BMP1: variants seen among roughly 807,000 people sequenced by gnomAD.
BMP1 encodes the protein bone morphogenetic protein 1, also known as mammalian tolloid protein.
In BMP1, 63 loss-of-function variants were observed where a neutral mutation model predicts 116.8. The ratio of observed to expected loss-of-function variants is 0.54; its 90% CI spans 0.44 to 0.67. BMP1 has a LOEUF of 0.67. Among genes scored for constraint, BMP1 ranks in the 30% least tolerant of loss-of-function variants. The pLI, the probability that BMP1 is intolerant of heterozygous loss-of-function variation, is 0.00. For synonymous variants in BMP1, 536 were observed against 533.4 expected (o/e 1.00, Z -0.07); for missense variants, 1,183 against 1,358.9 (o/e 0.87, Z 2.04).
intron 2 of BMP1, among the ~76,000 whole-genome samples, chr8:22,175,058 G>T (rs1828393356): frequency 6.6e-6 from 1 of 152,182 alleles, no homozygotes; most frequent in Admixed American, 6.5e-5. Flanking sequence ...AGGGCAGGTG[G>T]CATTGGAGGG....
chr8:22,171,320 A>T (rs1305231043), intron 1 of BMP1: 4 of 152,098 alleles, frequency 2.6e-5, no homozygotes, highest in Non-Finnish European at 4.4e-5. Flanking sequence ...TCTCTCTGAG[A>T]GTTTCTAATG....
Position 22,209,625 on chromosome 8 carries a change from A to G in BMP1, c.2756A>G (p.Tyr919Cys), listed in dbSNP as rs1365565242. ...FEVEEETDCG[Y>C]DYMELFDGYD... The stretch of plus-strand genomic sequence containing the variant: ...GTGGAGGAGGAGACCGACTGCGGCT[A>G]TGACTACATGGAGCTCTTCGACGGC... Residue 919 changes from tyrosine to cysteine, a missense_variant, in exon 19 of 20, where the codon TAT becomes TGT. Tyr to Cys is a radical substitution (Grantham distance 194, BLOSUM62 -2). This residue lies in a region of BMP1 where 956 missense variants were observed against 1,135.2 expected (regional missense o/e 0.84). Transcript: ENST00000306385. The G allele has an allele frequency of 1.2e-6, 2 of 1,614,144 alleles. No homozygotes were observed. The highest frequency in any genetic ancestry group is 1.1e-5 in the South Asian group (1 of 91,088).
chr8:22,172,312 G>A (rs761630146), intron 1 of BMP1, among the ~76,000 whole-genome samples: 8 of 151,974 alleles, frequency 5.3e-5, no homozygotes, highest in Admixed American at 3.9e-4. Flanking sequence ...CTTACAAAGC[G>A]GCCAGTTCTA....
chr8:22,179,703 AG>A lies in BMP1; in HGVS notation c.839del, dbSNP rs1489972701. ...ACCCTTACTTTTCTCCCTCTTCTTC[AG>A]GGGCATCTTCCTGGATACCATTGTC... On this transcript the variant is annotated splice_acceptor_variant, in intron 6 of 19. Coordinates refer to ENST00000306385, the MANE Select transcript of BMP1 (RefSeq NM_006129.5). LOFTEE classifies it high-confidence loss of function. This position sits in a 1 kb window ranked among gnomAD's most constrained non-coding sequence, Gnocchi z 4.6. The A allele has an allele frequency of 6.2e-7, 1 of 1,613,860 alleles. No individual in the cohort carries two copies. The highest frequency in any genetic ancestry group is 8.5e-7 in the Non-Finnish European group (1 of 1,179,822).
rs574472338 is a variant in BMP1, at chr8:22,209,599, G to A, written c.2730G>A (p.Glu910=). 8.8e-5 allele frequency: 142 copies of A among 1,614,218 alleles called. No homozygotes were observed. The Middle Eastern group carries it at 1.5e-3, about 17-fold the overall frequency. Residue 910 remains glutamate, a synonymous_variant, in exon 19 of 20, where the codon GAG becomes GAA. Transcript: ENST00000306385. ...TGGAGCTCGTGTTCCAGACCTTTGA[G>A]GTGGAGGAGGAGACCGACTGCGGCT... ...YGVELVFQTF[E]VEEETDCGYD...
intron 19 of BMP1, among the ~76,000 whole-genome samples, chr8:22,211,388 C>T (rs1348969651): frequency 3.3e-5 from 5 of 152,160 alleles, no homozygotes; most frequent in Non-Finnish European, 5.9e-5. Flanking sequence ...GCTGGGTTTA[C>T]GGGAACTTAG....
intron 1 of BMP1, among the ~76,000 whole-genome samples, chr8:22,168,009 A>G (rs1195684098): frequency 2.0e-5 from 3 of 152,090 alleles, no homozygotes; most frequent in East Asian, 1.9e-4. Context: ...CTTCTTTTCA[A>G]GGGCTGGAAC....
At chr8:22,192,326 G>T in intron 9 of BMP1, 175 bp downstream of exon 9, 2 of 565,454 alleles carry the variant, frequency 3.5e-6, no homozygotes, top group South Asian at 2.0e-5. Flanking sequence ...CACTTGCTGC[G>T]AGACTTCAGG....
At chr8:22,195,323 G>C in intron 12 of BMP1, 139 bp from the exon 13 acceptor site, 3 of 1,064,504 alleles carry the variant, frequency 2.8e-6, no homozygotes, top group Non-Finnish European at 2.7e-6. Context: ...CAGTCCATGT[G>C]CTCTGAAGGA....
rs371131736 is a variant in BMP1 at position 22,179,947 on chromosome 8, G to A, written c.961+118G>A. On this transcript the variant is annotated intron_variant, in intron 7 of 19. Transcript: ENST00000306385. This position sits in a 1 kb window ranked among gnomAD's most constrained non-coding sequence, Gnocchi z 4.6. ...TGCAAGTCTTAGAGAATGGTGTGGC[G>A]GGGGAGGGGACCCCATAGGAGGGGC... The A allele has an allele frequency of 1.4e-5, 16 of 1,179,178 alleles. No individual in the cohort carries two copies. Among genetic ancestry groups the A allele is most frequent in the East Asian group, 7.7e-5 (3 of 38,774 alleles). The allele number at this position is 1,179,178 out of a possible 1,614,324, so 73.0% of individuals were successfully genotyped here.
At position 22,174,015 on chromosome 8, in the gene BMP1, T is replaced by A. The variant is rs535930267; in HGVS notation, c.262+300T>A. Among the ~76,000 whole-genome samples, 16 of 152,326 alleles carry A rather than the reference T, an allele frequency of 1.1e-4. No homozygotes were observed. The South Asian group carries it at 3.1e-3, about 30-fold the overall frequency. ...CCTTTAAAGGTGGTGTCAGGACAAC[T>A]CCTGTTTTACAAGTACAGAAACTAA... On this transcript the variant is annotated intron_variant, in intron 2 of 19. Coordinates refer to ENST00000306385, the MANE Select transcript of BMP1 (RefSeq NM_006129.5).
intron 1 of BMP1, among the ~76,000 whole-genome samples, chr8:22,167,457 G>T (rs1399827666): frequency 6.6e-6 from 1 of 152,196 alleles, no homozygotes; most frequent in Non-Finnish European, 1.5e-5. Context: ...GGCTGAGAAG[G>T]TCTGGGGGGG....
At position 22,194,500 on chromosome 8, in the gene BMP1, C is replaced by G; in HGVS notation, c.1353C>G (p.Tyr451Ter). 2.5e-6 allele frequency: 4 copies of G among 1,614,204 alleles called. No homozygotes were observed. The highest frequency in any genetic ancestry group is 3.4e-6 in the Non-Finnish European group (4 of 1,180,046). The change falls in exon 11 of 20, where the codon TAC becomes TAG. Residue 451 changes from tyrosine to a stop codon, truncating the protein, a stop_gained. Coordinates refer to ENST00000306385, the MANE Select transcript of BMP1 (RefSeq NM_006129.5). LOFTEE classifies it high-confidence loss of function. This position sits in a 1 kb window ranked among gnomAD's most constrained non-coding sequence, Gnocchi z 4.5. ...ATGGCCACATTCAATCGCCCAACTA[C>G]CCAGACGATTACCGGCCCAGCAAAG... ...KDYGHIQSPNYPDDYRPSKVC... is the reference protein window; with the variant it reads ...KDYGHIQSPN
intron 16 of BMP1, among the ~76,000 whole-genome samples, chr8:22,203,666 G>T (rs1457729102): frequency 6.6e-6 from 1 of 152,206 alleles, no homozygotes; most frequent in Non-Finnish European, 1.5e-5. Flanking sequence ...TCCCACCCTG[G>T]TTAGGTTGAC....
chr8:22,174,393 C>G (rs79922533), intron 2 of BMP1, among the ~76,000 whole-genome samples: 454 of 152,188 alleles, frequency 3.0e-3, no homozygotes, highest in African/African-American at 0.01. Flanking sequence ...TTCTTCTTAT[C>G]CTTGATTGTG....
At chr8:22,198,132 C>T (rs1265941378) in intron 15 of BMP1, among the ~76,000 whole-genome samples, 4 of 152,172 alleles carry the variant, frequency 2.6e-5, no homozygotes, top group Admixed American at 1.3e-4. Context: ...CTGTAGTGAA[C>T]GATGATCTCG....
At position 22,209,479 on chromosome 8, in the gene BMP1, C is replaced by A; in HGVS notation, c.2610C>A (p.Thr870=). Residue 870 remains threonine (T), a synonymous_variant, in exon 19 of 20, where the codon ACC becomes ACA. Transcript: ENST00000306385. ...GCCAGGTACGGGCAGACGTGAAGAC[C>A]AAGGACCTTTACTCCCACGCCCAGT... ...CGGQVRADVK[T]KDLYSHAQFG... 1 of 1,614,236 alleles carries A rather than the reference C, an allele frequency of 6.2e-7. No homozygotes were observed. The highest frequency in any genetic ancestry group is 8.5e-7 in the Non-Finnish European group (1 of 1,180,036).
chr8:22,198,151 T>C (rs913573208), intron 15 of BMP1, among the ~76,000 whole-genome samples: 3 of 152,198 alleles, frequency 2.0e-5, no homozygotes, highest in Admixed American at 6.5e-5. Flanking sequence ...CGTCACTCAC[T>C]CCAGACCCTG....
chr8:22,176,086 CT>C, intron 2 of BMP1, 56 bp from the exon 3 acceptor site: 1 of 1,566,444 alleles, frequency 6.4e-7, no homozygotes, highest in Non-Finnish European at 8.7e-7. Context: ...TTTGACTATG[CT>C]TTTGCTTTCC....
Sources: allele counts gnomAD v4.1 joint callset (sites outside exome capture counted in the v4.1 genomes callset), GRCh38; gene constraint gnomAD v4.1.1; regional missense constraint gnomAD v4.1.1; non-coding constraint Gnocchi (gnomAD v3.1); transcripts MANE v1.5; gene names NCBI Gene and HGNC (gene_info 2026-07-23, HGNC 2026-07-21).